Variants in GRIK2 observed in about 807,000 individuals in gnomAD.
GRIK2 encodes the protein glutamate receptor ionotropic, kainate 2.
A neutral mutation model predicts 100.3 loss-of-function variants in GRIK2; 32 were observed. The observed-to-expected ratio is 0.32, with a 90% CI of 0.24 to 0.43. The LOEUF (loss-of-function observed/expected upper bound fraction) is 0.43. GRIK2 is among the 20% of genes least tolerant of loss of function. The pLI is 1.00. For missense variants in GRIK2, 843 were observed against 1,114.9 expected (o/e 0.76, Z 3.47); for synonymous variants, 417 against 389.4 (o/e 1.07, Z -0.83).
chr6:101,625,750 C>T lies in GRIK2; in HGVS notation c.284-630C>T, dbSNP rs1227949555. Among the ~76,000 whole-genome samples, 6 of 152,172 alleles carry T rather than the reference C, an allele frequency of 3.9e-5. No homozygotes were observed. The East Asian group carries it at 9.7e-4, about 24-fold the overall frequency. On this transcript the variant is annotated intron_variant, in intron 3 of 16. Coordinates refer to ENST00000369134, the MANE Select transcript of GRIK2 (RefSeq NM_021956.5). ...CTTTAAAAAATAGAATAATAGAAAA[C>T]ACTTATAGCATCCAAAAGCCAAATA...
At chr6:101,990,965 A>G (rs953339599) in intron 14 of GRIK2, among the ~76,000 whole-genome samples, 1 of 151,934 alleles carries the variant, frequency 6.6e-6, no homozygotes, top group Non-Finnish European at 1.5e-5. Flanking sequence ...AATTACATCA[A>G]TAAATATTTA....
Position 102,013,070 on chromosome 6 carries a change from A to G in GRIK2, c.2086-22271A>G, listed in dbSNP as rs10080845. 3.4e-3 allele frequency among the ~76,000 whole-genome samples: 515 copies of G among 152,220 alleles called. 2 individuals carry two copies. Among genetic ancestry groups the G allele is most frequent in the African/African-American group, 0.012 (497 of 41,564 alleles). ...ATTGATTTTTCCTATCTATGAGTAT[A>G]GAATGTTTCTTTATTTGTTTGTGTC... On this transcript the variant is annotated intron_variant, in intron 14 of 16. Coordinates refer to ENST00000369134, the MANE Select transcript of GRIK2 (RefSeq NM_021956.5).
chr6:101,966,883 G>C (rs1330805451), intron 14 of GRIK2, among the ~76,000 whole-genome samples: 8 of 151,954 alleles, frequency 5.3e-5, no homozygotes. Context: ...ATGTTTTGTA[G>C]ACAATAAAAA....
At chr6:101,458,799 A>C (rs1053540675) in intron 2 of GRIK2, among the ~76,000 whole-genome samples, 28 of 152,148 alleles carry the variant, frequency 1.8e-4, no homozygotes, top group African/African-American at 6.3e-4. Flanking sequence ...TACCATGTCA[A>C]ATTTTTCTCA....
chr6:101,794,572 T>C (rs1158692030), intron 7 of GRIK2, among the ~76,000 whole-genome samples: 1 of 152,182 alleles, frequency 6.6e-6, no homozygotes, highest in East Asian at 1.9e-4. Flanking sequence ...GTTCCAGAAT[T>C]TGTTTGGTTC....
intron 7 of GRIK2, among the ~76,000 whole-genome samples, chr6:101,741,740 C>A (rs1018298091): frequency 6.6e-6 from 1 of 152,104 alleles, no homozygotes; most frequent in Non-Finnish European, 1.5e-5. Context: ...GATAAGATTT[C>A]TTTTTCATTT....
chr6:101,834,068 T>A (rs973082438), intron 10 of GRIK2, among the ~76,000 whole-genome samples: 26 of 152,112 alleles, frequency 1.7e-4, no homozygotes, highest in Non-Finnish European at 3.2e-4. Flanking sequence ...GCCTTTTCAT[T>A]TTATTGTTTC....
chr6:101,947,197 C>T (rs1791334149), intron 14 of GRIK2, among the ~76,000 whole-genome samples: 1 of 151,916 alleles, frequency 6.6e-6, no homozygotes, highest in South Asian at 2.1e-4. Flanking sequence ...GATACAACAC[C>T]CTTTAGAGAC....
intron 2 of GRIK2, among the ~76,000 whole-genome samples, chr6:101,619,089 G>C (rs536422196): frequency 6.7e-6 from 1 of 149,972 alleles, no homozygotes; most frequent in Non-Finnish European, 1.5e-5. Flanking sequence ...GAATTAAAAA[G>C]TTCTTTCTCC....
chr6:101,594,883 T>C (rs1778836718), intron 2 of GRIK2, among the ~76,000 whole-genome samples: 2 of 151,714 alleles, frequency 1.3e-5, no homozygotes, highest in Non-Finnish European at 2.9e-5. Flanking sequence ...TGTTTTTTTC[T>C]CTTTTTTTTC....
chr6:101,544,102 G>A (rs1776127345), intron 2 of GRIK2, among the ~76,000 whole-genome samples: 1 of 151,890 alleles, frequency 6.6e-6, no homozygotes, highest in Non-Finnish European at 1.5e-5. Flanking sequence ...CCCTGATTCT[G>A]GTACTTTCAT....
chr6:101,983,761 G>A (rs1793854004), intron 14 of GRIK2, among the ~76,000 whole-genome samples: 1 of 151,612 alleles, frequency 6.6e-6, no homozygotes, highest in Admixed American at 6.6e-5. Flanking sequence ...TGTTTGAATA[G>A]GGTTGTCCTA....
At chr6:101,825,286 G>A (rs911854956) in intron 10 of GRIK2, among the ~76,000 whole-genome samples, 3 of 152,070 alleles carry the variant, frequency 2.0e-5, no homozygotes, top group African/African-American at 7.2e-5. Flanking sequence ...TTCAGAGATT[G>A]TGCTGGTACT....
intron 14 of GRIK2, among the ~76,000 whole-genome samples, chr6:101,950,343 A>G (rs1477326135): frequency 1.3e-5 from 2 of 151,954 alleles, no homozygotes; most frequent in African/African-American, 4.8e-5. Flanking sequence ...TTTGATTGGG[A>G]TTTGTGGTTG....
chr6:101,495,473 T>G (rs1773393352), intron 2 of GRIK2, among the ~76,000 whole-genome samples: 1 of 152,066 alleles, frequency 6.6e-6, no homozygotes, highest in South Asian at 2.1e-4. Context: ...GCCACTGCAC[T>G]CTAGCCTGGG....
chr6:102,008,128 G>A (rs1001280783), intron 14 of GRIK2, among the ~76,000 whole-genome samples: 3 of 152,088 alleles, frequency 2.0e-5, no homozygotes, highest in Non-Finnish European at 4.4e-5. Context: ...AAGGAGATGG[G>A]CAGATGTCAT....
At chr6:101,760,286 T>A (rs1777424660) in intron 7 of GRIK2, among the ~76,000 whole-genome samples, 1 of 139,372 alleles carries the variant, frequency 7.2e-6, no homozygotes, top group East Asian at 2.1e-4. Context: ...GATATTTAAT[T>A]AAATGACTGT....
At chr6:101,714,443 T>C (rs1773924958) in intron 7 of GRIK2, among the ~76,000 whole-genome samples, 1 of 149,864 alleles carries the variant, frequency 6.7e-6, no homozygotes, top group Non-Finnish European at 1.5e-5. Flanking sequence ...AAGAGGATTA[T>C]TCAGTTACCA....
At chr6:101,718,414 G>A (rs1774216996) in intron 7 of GRIK2, among the ~76,000 whole-genome samples, 1 of 151,860 alleles carries the variant, frequency 6.6e-6, no homozygotes, top group South Asian at 2.1e-4. Context: ...GAAAAGGTCA[G>A]ACATTCAGAT....
Sources: gnomAD v4.1 joint callset for allele counts (sites outside exome capture counted in the v4.1 genomes callset) on GRCh38, gnomAD v4.1.1 for gene constraint, MANE v1.5 for transcripts, NCBI Gene and HGNC (gene_info 2026-07-23, HGNC 2026-07-21) for gene names.